MYO3B: variants seen among roughly 807,000 people sequenced by gnomAD.
MYO3B encodes the protein myosin IIIB.
Under a neutral mutation model 174.6 loss-of-function variants are expected in MYO3B, and 156 were observed. The ratio of observed to expected loss-of-function variants is 0.89; its 90% CI spans 0.78 to 1.02. The LOEUF (loss-of-function observed/expected upper bound fraction) is 1.02. MYO3B is among the 50% of genes least tolerant of loss of function. The probability of loss-of-function intolerance (pLI) is 0.00; values close to 1 mark genes in which losing one functional copy is unlikely to be tolerated. For missense variants in MYO3B, 1,632 were observed against 1,639.4 expected (o/e 1.00, Z 0.08); for synonymous variants, 563 against 569.1 (o/e 0.99, Z 0.15).
intron 7 of MYO3B, among the ~76,000 whole-genome samples, chr2:170,291,042 A>C (rs529848975): frequency 6.6e-6 from 1 of 152,228 alleles, no homozygotes; most frequent in African/African-American, 2.4e-5. Context: ...CTGAGTCAGG[A>C]GTTCGAGACC....
At chr2:170,320,159 C>T (rs1219786983) in intron 7 of MYO3B, among the ~76,000 whole-genome samples, 6 of 152,134 alleles carry the variant, frequency 3.9e-5, no homozygotes, top group Non-Finnish European at 7.4e-5. Flanking sequence ...AGCCCTCCCC[C>T]GCCCCAAGTA....
chr2:170,327,386 A>G (rs1402021368), intron 7 of MYO3B, among the ~76,000 whole-genome samples: 2 of 146,646 alleles, frequency 1.4e-5, no homozygotes, highest in Non-Finnish European at 3.1e-5. Flanking sequence ...CTCCTTCTCA[A>G]CAACAACAAA....
intron 7 of MYO3B, among the ~76,000 whole-genome samples, chr2:170,242,081 T>A (rs2093140726): frequency 6.6e-6 from 1 of 152,170 alleles, no homozygotes. Flanking sequence ...GCTGAGTGTT[T>A]AATGGCACAG....
In MYO3B at chr2:170,301,794, T is replaced by C. The variant is rs559887405; in HGVS notation, c.750-33591T>C. ...CGTGGTCCAGTATTTCATGGCCTTT[T>C]TTTGTGTAACAGTATGTGCAAGGTG... On this transcript the variant is annotated intron_variant, in intron 7 of 34. Coordinates refer to ENST00000408978, the MANE Select transcript of MYO3B (RefSeq NM_138995.5). 1.6e-3 allele frequency among the ~76,000 whole-genome samples: 239 copies of C among 152,138 alleles called. 3 individuals carry two copies. Among genetic ancestry groups the C allele is most frequent in the African/African-American group, 5.2e-3 (217 of 41,512 alleles).
intron 7 of MYO3B, among the ~76,000 whole-genome samples, chr2:170,328,084 T>A (rs1373859015): frequency 6.6e-6 from 1 of 151,924 alleles, no homozygotes; most frequent in African/African-American, 2.4e-5. Flanking sequence ...GTATTTTTAG[T>A]AGAGACAGGG....
At chr2:170,565,730 G>A (rs1305841199) in intron 32 of MYO3B, among the ~76,000 whole-genome samples, 1 of 152,190 alleles carries the variant, frequency 6.6e-6, no homozygotes, top group Non-Finnish European at 1.5e-5. Context: ...CTCCAAGTGA[G>A]AGTAGAGAAA....
At chr2:170,463,723 A>G (rs1309987969) in intron 24 of MYO3B, among the ~76,000 whole-genome samples, 1 of 152,004 alleles carries the variant, frequency 6.6e-6, no homozygotes. Context: ...AGTAGTTAAT[A>G]AAGTTCCAGA....
At chr2:170,211,114 A>T (rs2092765590) in intron 3 of MYO3B, among the ~76,000 whole-genome samples, 1 of 152,210 alleles carries the variant, frequency 6.6e-6, no homozygotes, top group South Asian at 2.1e-4. Context: ...TCCATGAGAA[A>T]AACAGGTTTC....
chr2:170,521,056 T>C (rs1423625922), intron 30 of MYO3B, among the ~76,000 whole-genome samples: 1 of 152,218 alleles, frequency 6.6e-6, no homozygotes, highest in Admixed American at 6.5e-5. Flanking sequence ...TCTTTGCATC[T>C]TTTCACCTGG....
chr2:170,602,623 G>T (rs1418276711), intron 32 of MYO3B, among the ~76,000 whole-genome samples: 1 of 152,086 alleles, frequency 6.6e-6, no homozygotes, highest in African/African-American at 2.4e-5. Context: ...CCTCACCTCA[G>T]TTGGACTATT....
Position 170,653,127 on chromosome 2 carries a change from G to T in MYO3B, c.*6G>T. 1 of 1,613,988 alleles carries T rather than the reference G, an allele frequency of 6.2e-7. No homozygotes were observed. Among genetic ancestry groups the T allele is most frequent in the South Asian group, 1.1e-5 (1 of 91,066 alleles). The stretch of plus-strand genomic sequence containing the variant: ...ACTCTTTTGCTCAACATTAAATTGT[G>T]CTTCCTAACCCTAAATCTGTCCAGA... On this transcript the variant is annotated 3_prime_UTR_variant, in exon 35 of 35. Transcript: ENST00000408978.
intron 8 of MYO3B, among the ~76,000 whole-genome samples, chr2:170,355,532 A>T (rs1007074140): frequency 1.2e-4 from 18 of 152,106 alleles, no homozygotes; most frequent in Admixed American, 1.3e-4. Flanking sequence ...AGCTGGAGTA[A>T]TTATTGTCAT....
At chr2:170,366,111 T>C (rs887005961) in intron 8 of MYO3B, among the ~76,000 whole-genome samples, 3 of 152,162 alleles carry the variant, frequency 2.0e-5, no homozygotes, top group African/African-American at 7.2e-5. Context: ...GGCTACTGCA[T>C]CATCCCTGTA....
At chr2:170,211,642 A>G (rs2092771728) in intron 3 of MYO3B, among the ~76,000 whole-genome samples, 1 of 152,240 alleles carries the variant, frequency 6.6e-6, no homozygotes, top group Non-Finnish European at 1.5e-5. Context: ...AGCAAATGGC[A>G]GAAGTCACAC....
At chr2:170,299,855 A>G (rs1455907978) in intron 7 of MYO3B, among the ~76,000 whole-genome samples, 1 of 152,236 alleles carries the variant, frequency 6.6e-6, no homozygotes, top group Non-Finnish European at 1.5e-5. Flanking sequence ...AGGAATAATT[A>G]TGTGGGGTCT....
chr2:170,189,577 ACTC>A lies in MYO3B; in HGVS notation c.3-9630_3-9628del. On this transcript the variant is annotated intron_variant, in intron 1 of 34. Coordinates refer to ENST00000408978, the MANE Select transcript of MYO3B (RefSeq NM_138995.5). ...TTTCAAATAGCCTGTCTTCAAGCTCACTCATTCTTTCTTCTGCTTGATCAATTC... is the reference window on the plus strand; with the variant it reads ...TTTCAAATAGCCTGTCTTCAAGCTCAATTCTTTCTTCTGCTTGATCAATTC... Among the ~76,000 whole-genome samples the A allele has an allele frequency of 2.0e-5, 3 of 151,812 alleles. No individual in the cohort carries two copies. The Middle Eastern group carries it at 0.01, about 516-fold the overall frequency.
intron 33 of MYO3B, 85 bp downstream of exon 33, chr2:170,651,819 C>CTGGGGGGGG: frequency 9.2e-7 from 1 of 1,081,966 alleles, no homozygotes; most frequent in Non-Finnish European, 1.4e-6. Context: ...CCAGCCCCTG[C>CTGGGGGGGG]AGCCCCACCC....
At chr2:170,642,148 G>T (rs1162853142) in intron 32 of MYO3B, among the ~76,000 whole-genome samples, 3 of 152,112 alleles carry the variant, frequency 2.0e-5, no homozygotes, top group African/African-American at 7.2e-5. Flanking sequence ...CACATAGATG[G>T]AAGAGATCTT....
At chr2:170,409,005 A>G (rs896661301) in intron 22 of MYO3B, among the ~76,000 whole-genome samples, 1 of 152,182 alleles carries the variant, frequency 6.6e-6, no homozygotes, top group Non-Finnish European at 1.5e-5. Context: ...CCAGAGACCC[A>G]GGGATGTAGA....
Sources: gnomAD v4.1 joint callset for allele counts (sites outside exome capture counted in the v4.1 genomes callset) on GRCh38, gnomAD v4.1.1 for gene constraint, MANE v1.5 for transcripts, NCBI Gene and HGNC (gene_info 2026-07-23, HGNC 2026-07-21) for gene names.